Variants in CATSPERT observed in about 807,000 individuals in gnomAD.
The protein encoded by CATSPERT is cation channel sperm-associated targeting subunit tau.
At chr2:201,579,790 C>T in the CATSPERT span, among the ~76,000 whole-genome samples, 2 of 151,642 alleles carry the variant, frequency 1.3e-5, no homozygotes, top group Non-Finnish European at 2.9e-5. Flanking sequence ...ACTAAATTCC[C>T]GTAAACTTGA....
chr2:201,501,850 T>C, the CATSPERT span, among the ~76,000 whole-genome samples: 237 of 152,234 alleles, frequency 1.6e-3, 1 homozygote, highest in African/African-American at 5.3e-3. Flanking sequence ...CAAGTAGAAA[T>C]AGACAATTTG....
At chr2:201,593,553 C>T in the CATSPERT span, among the ~76,000 whole-genome samples, 1 of 4,464 alleles carries the variant, frequency 2.2e-4, no homozygotes, top group Non-Finnish European at 0.013. Flanking sequence ...CCTTCTGTCT[C>T]ATTGATCTAA....
chr2:201,510,978 C>T, the CATSPERT span, among the ~76,000 whole-genome samples: 1 of 152,134 alleles, frequency 6.6e-6, no homozygotes, highest in African/African-American at 2.4e-5. Context: ...TGTAAGTAAG[C>T]AAACACAACC....
chr2:201,612,296 C>A, the CATSPERT span, among the ~76,000 whole-genome samples: 1 of 152,004 alleles, frequency 6.6e-6, no homozygotes, highest in South Asian at 2.1e-4. Flanking sequence ...TAAAGGGGGC[C>A]GGGCACGGTG....
At chr2:201,508,950 C>A in the CATSPERT span, among the ~76,000 whole-genome samples, 1 of 151,164 alleles carries the variant, frequency 6.6e-6, no homozygotes, top group East Asian at 1.9e-4. Context: ...CATGGGTGTG[C>A]GAAATTTCTT....
At chr2:201,559,398 G>A in the CATSPERT span, among the ~76,000 whole-genome samples, 1 of 152,188 alleles carries the variant, frequency 6.6e-6, no homozygotes, top group Non-Finnish European at 1.5e-5. Flanking sequence ...CAAAGCAGCT[G>A]TGCCCCCACA....
At chr2:201,549,027 A>G in the CATSPERT span, among the ~76,000 whole-genome samples, 1 of 152,054 alleles carries the variant, frequency 6.6e-6, no homozygotes, top group South Asian at 2.1e-4. Flanking sequence ...CCCCCAGCCA[A>G]ATGAAAACAT....
the CATSPERT span, chr2:201,494,469 C>A: frequency 5.2e-6 from 8 of 1,537,310 alleles, no homozygotes; most frequent in South Asian, 1.2e-5. Flanking sequence ...TTAAACTATT[C>A]TTTGTATCTA....
At chr2:201,533,109 T>C in the CATSPERT span, among the ~76,000 whole-genome samples, 3 of 152,176 alleles carry the variant, frequency 2.0e-5, no homozygotes, top group East Asian at 5.8e-4. Flanking sequence ...CTTGAAGATA[T>C]TTAGAAGTGT....
the CATSPERT span, chr2:201,492,352 A>G: frequency 9.8e-6 from 15 of 1,535,322 alleles, no homozygotes; most frequent in East Asian, 4.9e-5. Flanking sequence ...AAGTTTTTCT[A>G]TAAAAAGACT....
At chr2:201,499,952 T>C in the CATSPERT span, among the ~76,000 whole-genome samples, 2 of 150,840 alleles carry the variant, frequency 1.3e-5, no homozygotes, top group Non-Finnish European at 2.9e-5. Context: ...CCTACTACTA[T>C]AGAACAAGCC....
chr2:201,538,758 C>G, the CATSPERT span, among the ~76,000 whole-genome samples: 2 of 152,148 alleles, frequency 1.3e-5, no homozygotes, highest in African/African-American at 4.8e-5. Context: ...CAGATTATTT[C>G]ATCACCAGGT....
chr2:201,562,346 C>A, the CATSPERT span, among the ~76,000 whole-genome samples: 1 of 151,480 alleles, frequency 6.6e-6, no homozygotes, highest in Non-Finnish European at 1.5e-5. Flanking sequence ...CACCACCACG[C>A]CCGGCTAATT....
the CATSPERT span, among the ~76,000 whole-genome samples, chr2:201,578,910 T>C: frequency 6.6e-6 from 1 of 152,176 alleles, no homozygotes; most frequent in Non-Finnish European, 1.5e-5. Context: ...TGAGAATCTC[T>C]GGTTGCTTAC....
At chr2:201,488,408 C>G in the CATSPERT span, among the ~76,000 whole-genome samples, 1 of 152,084 alleles carries the variant, frequency 6.6e-6, no homozygotes, top group Non-Finnish European at 1.5e-5. Flanking sequence ...TATGTACATA[C>G]AGAGGGAGAG....
the CATSPERT span, among the ~76,000 whole-genome samples, chr2:201,606,931 GTTA>G: frequency 6.7e-6 from 1 of 150,248 alleles, no homozygotes; most frequent in East Asian, 1.9e-4. Context: ...ATGGAGAGCA[GTTA>G]ATATATTTAA....
chr2:201,607,565 C>A, the CATSPERT span, among the ~76,000 whole-genome samples: 1 of 151,964 alleles, frequency 6.6e-6, no homozygotes, highest in Non-Finnish European at 1.5e-5. Flanking sequence ...TTGCTTGAGC[C>A]CAGGAGTTCA....
the CATSPERT span, chr2:201,535,247 T>A: frequency 1.0e-6 from 1 of 985,056 alleles, no homozygotes; most frequent in African/African-American, 1.7e-5. Flanking sequence ...TCTAGAGACT[T>A]AGATGCCCAA....
chr2:201,487,853 T>G, the CATSPERT span: 2 of 1,613,708 alleles, frequency 1.2e-6, no homozygotes, highest in Non-Finnish European at 1.7e-6. Flanking sequence ...TTTTTTAAGG[T>G]GTGTAAATGA....
Sources: allele counts gnomAD v4.1 joint callset (sites outside exome capture counted in the v4.1 genomes callset), GRCh38; gene constraint gnomAD v4.1.1; transcripts MANE v1.5; gene names NCBI Gene and HGNC (gene_info 2026-07-23, HGNC 2026-07-21).